LAMB1: variants seen among roughly 807,000 people sequenced by gnomAD.
LAMB1 encodes laminin subunit beta 1.
In LAMB1, 121 loss-of-function variants were observed where a neutral mutation model predicts 222.3. The ratio of observed to expected loss-of-function variants is 0.54; its 90% CI spans 0.47 to 0.63. The LOEUF (loss-of-function observed/expected upper bound fraction) is 0.63, where lower values mean the gene tolerates loss of function less well. Ranked by LOEUF, LAMB1 falls within the 30% of genes least tolerant of loss-of-function variation. LAMB1 has a pLI of 0.00. For missense variants in LAMB1, 2,172 were observed against 2,240.8 expected (o/e 0.97, Z 0.62); for synonymous variants, 794 against 807.2 (o/e 0.98, Z 0.28).
In LAMB1 at chr7:107,959,838, T is replaced by C; in HGVS notation, c.2315-4A>G. 1 of 1,611,852 alleles carries C rather than the reference T, an allele frequency of 6.2e-7. No homozygotes were observed. Among genetic ancestry groups the C allele is most frequent in the Non-Finnish European group, 8.5e-7 (1 of 1,178,822 alleles). Reference sequence around the variant, plus strand: ...CCCTGAGGGTCGCATTCACAAGCTGTGGGTAAAGAGAGGCCAGAACCCATG... The same window carrying C: ...CCCTGAGGGTCGCATTCACAAGCTGCGGGTAAAGAGAGGCCAGAACCCATG... On this transcript the variant is annotated splice_polypyrimidine_tract_variant and splice_region_variant and intron_variant, in intron 18 of 33. Coordinates refer to ENST00000222399, the MANE Select transcript of LAMB1 (RefSeq NM_002291.3).
In LAMB1 at chr7:108,001,640, A is replaced by T; in HGVS notation, c.131T>A (p.Ile44Asn). The T allele has an allele frequency of 6.2e-7, 1 of 1,613,192 alleles. No homozygotes were observed. The highest frequency in any genetic ancestry group is 8.5e-7 in the Non-Finnish European group (1 of 1,179,876). ...CACCGAAAGCTTCTGTGCTCGGCCG[A>T]TGAGAAGGTCGCCCGTGGCGGGATA... ...SCYPATGDLL[I>N]GRAQKLSVTS... Residue 44 changes from isoleucine to asparagine, a missense_variant, in exon 3 of 34, where the codon ATC (isoleucine) becomes AAC (asparagine). Transcript: ENST00000222399.
chr7:107,966,643 C>A (rs1345932982), intron 13 of LAMB1, among the ~76,000 whole-genome samples: 1 of 152,202 alleles, frequency 6.6e-6, no homozygotes, highest in Admixed American at 6.5e-5. Context: ...GACATTACAT[C>A]ATATGGACAA....
rs751175194 is a variant in LAMB1 at position 107,961,590 on chromosome 7, G to A, written c.1944C>T (p.Pro648=). The change falls in exon 16 of 34, where the codon CCC becomes CCT. Residue 648 remains proline, a synonymous_variant. Transcript: ENST00000222399. ...ATGACACCACCTGGTTGTCATCATC[G>A]GGGATGGTATTACCACATCGGCTGC... is the stretch of plus-strand genomic sequence containing the variant. ...PTSSRCGNTI[P]DDDNQVVSLS... 22 of 1,613,924 alleles carry A rather than the reference G, an allele frequency of 1.4e-5. No homozygotes were observed. In the Middle Eastern group the frequency reaches 4.9e-4, roughly 36 times the overall value.
intron 25 of LAMB1, among the ~76,000 whole-genome samples, chr7:107,939,679 T>C (rs1024056413): frequency 4.6e-5 from 7 of 152,140 alleles, no homozygotes; most frequent in Non-Finnish European, 7.4e-5. Context: ...TTATGGATCT[T>C]TGTCTTCTAA....
In LAMB1 at chr7:107,975,674, C is replaced by T; in HGVS notation, c.1189+15G>A. 1.2e-6 allele frequency: 2 copies of T among 1,601,498 alleles called. No homozygotes were observed. The highest frequency in any genetic ancestry group is 1.7e-6 in the Non-Finnish European group (2 of 1,171,692). ...GAAGTAGGTCCCACACAGTGAGTGACATTTCTCAACATACGTTCACAGAAA... is the reference window on the plus strand; with the variant it reads ...GAAGTAGGTCCCACACAGTGAGTGATATTTCTCAACATACGTTCACAGAAA... On this transcript the variant is annotated intron_variant, in intron 10 of 33. Coordinates refer to ENST00000222399, the MANE Select transcript of LAMB1 (RefSeq NM_002291.3).
At chr7:107,956,174 G>C (rs555379753) in intron 20 of LAMB1, among the ~76,000 whole-genome samples, 5 of 152,016 alleles carry the variant, frequency 3.3e-5, no homozygotes, top group African/African-American at 1.2e-4. Flanking sequence ...TGGGATTACA[G>C]GTGTGAGCCA....
intron 2 of LAMB1, chr7:108,002,401 A>G (rs778389423): frequency 3.6e-5 from 47 of 1,313,608 alleles, no homozygotes; most frequent in Non-Finnish European, 4.6e-5. Flanking sequence ...CCATCCGGAG[A>G]CAAACAGAGA....
chr7:107,950,231 A>G (rs2116389460), intron 24 of LAMB1, among the ~76,000 whole-genome samples: 1 of 150,038 alleles, frequency 6.7e-6, no homozygotes. Flanking sequence ...CTCCGTCTCA[A>G]AAAAAAAAAA....
chr7:107,931,562 A>G (rs2032712332), intron 28 of LAMB1, 62 bp from the exon 29 acceptor site: 1 of 1,448,100 alleles, frequency 6.9e-7, no homozygotes, highest in Non-Finnish European at 9.5e-7. Context: ...AGACCAGAAT[A>G]TTGGAAATGG....
At position 107,940,339 on chromosome 7, in the gene LAMB1, C is replaced by T. The variant is rs746035293; in HGVS notation, c.3411G>A (p.Arg1137=). 6.2e-7 allele frequency: 1 copy of T among 1,613,506 alleles called. No homozygotes were observed. Among genetic ancestry groups the T allele is most frequent in the East Asian group, 2.2e-5 (1 of 44,842 alleles). The part of the protein sequence containing the change: ...VECRACDCDP[R]GIETPQCDQS... ...GGTCACACTGTGGCGTCTCAATGCC[C>T]CTGGGGTCACAGTCACAGGCTAGAA... The change falls in exon 25 of 34, where the codon AGG becomes AGA. Residue 1137 remains arginine, a synonymous_variant. Coordinates refer to ENST00000222399, the MANE Select transcript of LAMB1 (RefSeq NM_002291.3).
chr7:107,947,975 T>A (rs2033153891), intron 24 of LAMB1, among the ~76,000 whole-genome samples: 1 of 117,916 alleles, frequency 8.5e-6, no homozygotes, highest in Non-Finnish European at 1.8e-5. Flanking sequence ...ATTTTATATC[T>A]TCTTCTTCTT....
intron 20 of LAMB1, among the ~76,000 whole-genome samples, chr7:107,956,374 G>A (rs529326116): frequency 6.6e-6 from 1 of 152,240 alleles, no homozygotes; most frequent in South Asian, 2.1e-4. Context: ...AGATGACTGG[G>A]CTCCTCCCAC....
Position 107,924,244 on chromosome 7 carries a change from A to T in LAMB1, c.5210T>A (p.Leu1737Gln). The change falls in exon 33 of 34, where the codon CTG (leucine) becomes CAG (glutamine). Residue 1737 changes from leucine (L) to glutamine (Q), a missense_variant. Physicochemically the swap from Leu to Gln is moderately radical, Grantham distance 113. Transcript: ENST00000222399. ...KTLLAQANSK[L>Q]QLLKDLERKY... is the part of the protein sequence containing the mutation. ...AAAAGACCCACCTTTGAGCAGTTGCAGCTTGCTATTTGCTTGAGCTAAAAG... is the reference window on the plus strand; with the variant it reads ...AAAAGACCCACCTTTGAGCAGTTGCTGCTTGCTATTTGCTTGAGCTAAAAG... The T allele has an allele frequency of 6.2e-7, 1 of 1,609,964 alleles. No homozygotes were observed. The highest frequency in any genetic ancestry group is 2.2e-5 in the East Asian group (1 of 44,804).
intron 18 of LAMB1, 94 bp downstream of exon 18, chr7:107,960,351 C>A: frequency 2.3e-6 from 2 of 852,010 alleles, no homozygotes; most frequent in South Asian, 1.5e-5. Flanking sequence ...CTGCCTAACA[C>A]AGGGCTAGGG....
intron 24 of LAMB1, among the ~76,000 whole-genome samples, chr7:107,940,800 C>T (rs1562979587): frequency 6.6e-6 from 1 of 152,168 alleles, no homozygotes; most frequent in Admixed American, 6.5e-5. Flanking sequence ...TTGCCTCCCC[C>T]TTACTTAGGA....
rs2033270372 is a variant in LAMB1, at chr7:107,952,169, C to T, written c.3134G>A (p.Cys1045Tyr). The change falls in exon 23 of 34, where the codon TGC becomes TAC. Residue 1045 changes from cysteine (C) to tyrosine (Y), a missense_variant. Transcript: ENST00000222399. ...CTGACCAGTGGCTTTGTCGCACTGGCAGTCAGAGCCGTTACAGTGCTCTTG... is the reference window on the plus strand; with the variant it reads ...CTGACCAGTGGCTTTGTCGCACTGGTAGTCAGAGCCGTTACAGTGCTCTTG... ...TVQEHCNGSD[C>Y]QCDKATGQCL... 6.2e-7 allele frequency: 1 copy of T among 1,613,376 alleles called. No homozygotes were observed. The highest frequency in any genetic ancestry group is 8.5e-7 in the Non-Finnish European group (1 of 1,179,540).
At chr7:107,938,442 CA>C in intron 25 of LAMB1, among the ~76,000 whole-genome samples, 1 of 152,086 alleles carries the variant, frequency 6.6e-6, no homozygotes. Flanking sequence ...GCAAATCTAA[CA>C]TCGTATTTTA....
intron 15 of LAMB1, 58 bp from the exon 16 acceptor site, chr7:107,961,734 A>C: frequency 6.4e-7 from 1 of 1,564,398 alleles, no homozygotes; most frequent in Admixed American, 1.8e-5. Context: ...TGTTTATAAA[A>C]AGACCTCTCT....
At position 107,935,538 on chromosome 7, in the gene LAMB1, T is replaced by A. The variant is rs781191932; in HGVS notation, c.4065A>T (p.Arg1355Ser). 6.2e-7 allele frequency: 1 copy of A among 1,614,004 alleles called. No individual in the cohort carries two copies. The highest frequency in any genetic ancestry group is 8.5e-7 in the Non-Finnish European group (1 of 1,180,010). Residue 1355 changes from arginine (R) to serine (S), a missense_variant, in exon 27 of 34, where the codon AGA becomes AGT. Arg to Ser is a moderately radical substitution (Grantham distance 110). Coordinates refer to ENST00000222399, the MANE Select transcript of LAMB1 (RefSeq NM_002291.3). ...CTCGCTCCATCATCACGTCTTCTAC[T>A]CTGTCTCTCATGAGGGCTGACTGCT... ...TVEQSALMRD[R>S]VEDVMMERES...
Sources: allele counts gnomAD v4.1 joint callset (sites outside exome capture counted in the v4.1 genomes callset), GRCh38; gene constraint gnomAD v4.1.1; transcripts MANE v1.5; gene names NCBI Gene and HGNC (gene_info 2026-07-23, HGNC 2026-07-21).